CYRIA: variants seen among roughly 807,000 people sequenced by gnomAD.
CYRIA encodes the protein CYFIP related Rac1 interactor A.
Under a neutral mutation model 43.9 loss-of-function variants are expected in CYRIA, and 15 were observed. The observed-to-expected ratio is 0.34, with a 90% CI of 0.23 to 0.53. The LOEUF (loss-of-function observed/expected upper bound fraction) is 0.53, where lower values mean the gene tolerates loss of function less well. Ranked by LOEUF, CYRIA falls within the 20% of genes least tolerant of loss-of-function variation. CYRIA has a pLI of 0.94. For synonymous variants in CYRIA, 117 were observed against 136.0 expected (o/e 0.86, Z 0.97); for missense variants, 236 against 394.2 (o/e 0.60, Z 3.40).
chr2:16,624,442 T>C (rs1669094976), intron 1 of CYRIA, among the ~76,000 whole-genome samples: 1 of 152,232 alleles, frequency 6.6e-6, no homozygotes, highest in Admixed American at 6.5e-5. Context: ...GTTTCACCCC[T>C]GGGAGCTAAA....
intron 2 of CYRIA, among the ~76,000 whole-genome samples, chr2:16,621,613 T>A (rs941637023): frequency 1.3e-5 from 2 of 152,192 alleles, no homozygotes; most frequent in African/African-American, 4.8e-5. Flanking sequence ...TCTGCTCCAA[T>A]CCTACTGGTC....
Position 16,552,757 on chromosome 2 carries a change from G to A in CYRIA, c.*179C>T. Reference sequence around the variant, plus strand: ...CAGACATCAAAGGTAAGGCTCTCAAGTCAATTTATGCTCTGCTGGGTTGAG... The same window carrying A: ...CAGACATCAAAGGTAAGGCTCTCAAATCAATTTATGCTCTGCTGGGTTGAG... On this transcript the variant is annotated 3_prime_UTR_variant, in exon 12 of 12. Coordinates refer to ENST00000381323, the MANE Select transcript of CYRIA (RefSeq NM_030797.4). The A allele has an allele frequency of 3.9e-6, 2 of 515,126 alleles. No individual in the cohort carries two copies. Among genetic ancestry groups the A allele is most frequent in the Admixed American group, 7.2e-5 (2 of 27,680 alleles). 31.9% of individuals were successfully genotyped at this position (515,126 alleles called of 1,614,324 possible).
chr2:16,562,241 TG>T, intron 5 of CYRIA, 100 bp from the exon 6 acceptor site: 1 of 1,280,522 alleles, frequency 7.8e-7, no homozygotes, highest in Non-Finnish European at 1.1e-6. Context: ...GGAGATCACC[TG>T]CTTGAGTCTC....
At chr2:16,665,351 G>A (rs566145436) in intron 1 of CYRIA, among the ~76,000 whole-genome samples, 2 of 152,136 alleles carry the variant, frequency 1.3e-5, no homozygotes, top group Admixed American at 6.5e-5. Flanking sequence ...GGGCTGGGGA[G>A]GGGGCCATCC....
In CYRIA at chr2:16,553,055, C is replaced by A; in HGVS notation, c.909-56G>T. 3 of 1,111,448 alleles carry A rather than the reference C, an allele frequency of 2.7e-6. No homozygotes were observed. In the South Asian group the frequency reaches 3.7e-5, roughly 14 times the overall value. 68.8% of individuals were successfully genotyped at this position (1,111,448 alleles called of 1,614,324 possible). ...GGCAAACAGTGCTCTGTGTAAGCTT[C>A]AGCCCATCTTTACCTTCGGAAACAC... is the stretch of plus-strand genomic sequence containing the variant. On this transcript the variant is annotated intron_variant, in intron 11 of 11. Transcript: ENST00000381323.
rs148044816 is a variant in CYRIA, at chr2:16,587,731, G to T, written c.70+319C>A. On this transcript the variant is annotated intron_variant, in intron 3 of 11. Transcript: ENST00000381323. ...ACTGTTCTCATGACAGTGAATAGGAGTTTCACGAGATCTGATGGTTTTATA... is the reference window on the plus strand; with the variant it reads ...ACTGTTCTCATGACAGTGAATAGGATTTTCACGAGATCTGATGGTTTTATA... Among the ~76,000 whole-genome samples the T allele has an allele frequency of 2.3e-3, 351 of 152,086 alleles. 4 individuals are homozygous for T. The East Asian group carries it at 0.033, about 14-fold the overall frequency.
intron 2 of CYRIA, among the ~76,000 whole-genome samples, chr2:16,615,634 T>G (rs1006364688): frequency 6.6e-6 from 1 of 152,218 alleles, no homozygotes; most frequent in Non-Finnish European, 1.5e-5. Context: ...GTAGACCCAA[T>G]GATCCCTCAG....
chr2:16,664,025 C>T (rs1670328721), intron 1 of CYRIA, among the ~76,000 whole-genome samples: 1 of 152,134 alleles, frequency 6.6e-6, no homozygotes, highest in Admixed American at 6.5e-5. Flanking sequence ...GCTTAGTTTC[C>T]TCATCTGCAA....
chr2:16,632,293 T>C (rs1572190957), intron 1 of CYRIA, among the ~76,000 whole-genome samples: 1 of 152,196 alleles, frequency 6.6e-6, no homozygotes, highest in South Asian at 2.1e-4. Context: ...GAAAGTCATG[T>C]TCTTATCAGG....
intron 1 of CYRIA, among the ~76,000 whole-genome samples, chr2:16,652,994 G>C (rs193134564): frequency 8.3e-4 from 126 of 152,256 alleles, no homozygotes; most frequent in African/African-American, 2.1e-3. Context: ...AGGACTCTTG[G>C]ACTTAAAAAA....
intron 3 of CYRIA, among the ~76,000 whole-genome samples, chr2:16,578,491 T>C (rs1324129401): frequency 6.6e-6 from 1 of 152,200 alleles, no homozygotes; most frequent in Non-Finnish European, 1.5e-5. Flanking sequence ...AAAGAATCTA[T>C]AATGTTGAAT....
chr2:16,622,007 T>C (rs1256099321), intron 2 of CYRIA, among the ~76,000 whole-genome samples: 1 of 152,196 alleles, frequency 6.6e-6, no homozygotes, highest in African/African-American at 2.4e-5. Flanking sequence ...TCATGTTCCA[T>C]GAACATCTAC....
At chr2:16,576,123 C>T (rs1166809725) in intron 3 of CYRIA, among the ~76,000 whole-genome samples, 1 of 152,090 alleles carries the variant, frequency 6.6e-6, no homozygotes. Context: ...TATTAAGTGC[C>T]AATGATGCCA....
At chr2:16,555,255 C>G in intron 10 of CYRIA, 116 bp from the exon 11 acceptor site, 1 of 992,910 alleles carries the variant, frequency 1.0e-6, no homozygotes. Flanking sequence ...AGAAATCCAA[C>G]GCAGAAATGA....
chr2:16,553,635 G>T (rs1296995973), intron 11 of CYRIA, among the ~76,000 whole-genome samples: 1 of 152,112 alleles, frequency 6.6e-6, no homozygotes, highest in Non-Finnish European at 1.5e-5. Flanking sequence ...TTATAGAAAA[G>T]AAAACTAAGA....
chr2:16,609,272 A>T (rs1668511967), intron 2 of CYRIA, among the ~76,000 whole-genome samples: 1 of 152,222 alleles, frequency 6.6e-6, no homozygotes, highest in African/African-American at 2.4e-5. Flanking sequence ...GATAAAGCAC[A>T]CAAGGGGGAC....
At chr2:16,578,483 A>G (rs970601273) in intron 3 of CYRIA, among the ~76,000 whole-genome samples, 5 of 152,258 alleles carry the variant, frequency 3.3e-5, no homozygotes, top group African/African-American at 1.2e-4. Flanking sequence ...AATATGTTAA[A>G]GAATCTATAA....
At chr2:16,586,957 T>C (rs1477853448) in intron 3 of CYRIA, among the ~76,000 whole-genome samples, 2 of 152,110 alleles carry the variant, frequency 1.3e-5, no homozygotes, top group Non-Finnish European at 2.9e-5. Context: ...TGAGCAAACA[T>C]AAATGTTCCT....
Position 16,576,916 on chromosome 2 carries a change from G to A in CYRIA, c.70+11134C>T, listed in dbSNP as rs886562090. Among the ~76,000 whole-genome samples, 3 of 152,150 alleles carry A rather than the reference G, an allele frequency of 2.0e-5. No homozygotes were observed. The South Asian group carries it at 6.2e-4, about 32-fold the overall frequency. On this transcript the variant is annotated intron_variant, in intron 3 of 11. Transcript: ENST00000381323. ...TGCTAAGCAAAATAAACAAGTAACA[G>A]CAAAACACAAACTGCATGATTCCAC...
Sources: gnomAD v4.1 joint callset for allele counts (sites outside exome capture counted in the v4.1 genomes callset) on GRCh38, gnomAD v4.1.1 for gene constraint, MANE v1.5 for transcripts, NCBI Gene and HGNC (gene_info 2026-07-23, HGNC 2026-07-21) for gene names.